Variants in ZMYM4 observed in about 807,000 individuals in gnomAD.
ZMYM4 encodes the protein zinc finger MYM-type protein 4.
ZMYM4 carries 31 observed loss-of-function variants against 183.2 expected under a neutral mutation model. The observed-to-expected ratio is 0.17, with a 90% CI of 0.13 to 0.23. The LOEUF is 0.23. Ranked by LOEUF, ZMYM4 falls within the 10% of genes least tolerant of loss-of-function variation. The pLI is 1.00. For missense variants in ZMYM4, 1,273 were observed against 1,840.3 expected (o/e 0.69, Z 5.64); for synonymous variants, 592 against 631.2 (o/e 0.94, Z 0.93).
At chr1:35,364,482 C>T (rs907976298) in intron 5 of ZMYM4, among the ~76,000 whole-genome samples, 3 of 152,160 alleles carry the variant, frequency 2.0e-5, no homozygotes. Context: ...TTTCCACACC[C>T]GTCTCCACCT....
At chr1:35,309,142 A>C (rs1022568332) in intron 1 of ZMYM4, 2 of 690,354 alleles carry the variant, frequency 2.9e-6, no homozygotes, top group African/African-American at 1.9e-5. Flanking sequence ...GAAATGAAAC[A>C]AGATGACTTA....
intron 26 of ZMYM4, 84 bp downstream of exon 26, chr1:35,408,243 C>T: frequency 6.7e-7 from 1 of 1,489,794 alleles, no homozygotes; most frequent in East Asian, 2.3e-5. Flanking sequence ...TGCACATGTA[C>T]ACACCCAGAT....
intron 2 of ZMYM4, among the ~76,000 whole-genome samples, chr1:35,346,650 C>CAAAAAAAAAAA (rs746472685): frequency 7.7e-3 from 408 of 52,826 alleles, no homozygotes; most frequent in Middle Eastern, 0.015. Context: ...GACTCCATCT[C>CAAAAAAAAAAA]AAAAAAAAAA....
At chr1:35,270,743 C>T (rs941408095) in intron 1 of ZMYM4, among the ~76,000 whole-genome samples, 4 of 152,134 alleles carry the variant, frequency 2.6e-5, no homozygotes, top group African/African-American at 9.7e-5. Flanking sequence ...TGCTACTGCA[C>T]TCTAGCCTAG....
intron 1 of ZMYM4, among the ~76,000 whole-genome samples, chr1:35,322,681 C>CT (rs1285339976): frequency 2.0e-5 from 3 of 151,426 alleles, no homozygotes; most frequent in Non-Finnish European, 2.9e-5. Context: ...GTATAGACAA[C>CT]TTTTTTTTTG....
At chr1:35,413,188 A>G (rs377531757) in intron 26 of ZMYM4, among the ~76,000 whole-genome samples, 20 of 151,984 alleles carry the variant, frequency 1.3e-4, no homozygotes, top group African/African-American at 4.3e-4. Flanking sequence ...GACTACAGGC[A>G]TGCACCACCA....
chr1:35,395,907 A>G (rs1644800560), intron 18 of ZMYM4, among the ~76,000 whole-genome samples: 1 of 152,242 alleles, frequency 6.6e-6, no homozygotes, highest in African/African-American at 2.4e-5. Context: ...ATAATGGAAT[A>G]AATCATCCAT....
intron 2 of ZMYM4, among the ~76,000 whole-genome samples, chr1:35,327,854 A>G (rs1371253593): frequency 1.3e-5 from 2 of 152,168 alleles, no homozygotes; most frequent in Admixed American, 1.3e-4. Flanking sequence ...GTTTGGAGAA[A>G]GATTATGATT....
intron 2 of ZMYM4, among the ~76,000 whole-genome samples, chr1:35,327,286 A>T (rs542632684): frequency 6.6e-6 from 1 of 152,348 alleles, no homozygotes; most frequent in Admixed American, 6.5e-5. Flanking sequence ...TTGCATTATT[A>T]TTAAGAACAT....
intron 1 of ZMYM4, among the ~76,000 whole-genome samples, chr1:35,309,797 C>T (rs891397975): frequency 2.6e-5 from 4 of 151,868 alleles, no homozygotes; most frequent in African/African-American, 9.7e-5. Context: ...AAAAAACCCA[C>T]AAAAAAACTA....
intron 5 of ZMYM4, among the ~76,000 whole-genome samples, chr1:35,368,659 C>T (rs998969832): frequency 6.2e-4 from 95 of 152,032 alleles, no homozygotes; most frequent in African/African-American, 2.2e-3. Context: ...TACTATGTAC[C>T]TTTTTACCTA....
chr1:35,381,884 C>T (rs1044397687), intron 9 of ZMYM4, 126 bp downstream of exon 9: 1 of 1,171,270 alleles, frequency 8.5e-7, no homozygotes. Context: ...ATGGCTCACA[C>T]CTGTAATCCC....
intron 5 of ZMYM4, among the ~76,000 whole-genome samples, chr1:35,364,040 C>T (rs1298590160): frequency 6.6e-6 from 1 of 152,090 alleles, no homozygotes; most frequent in Non-Finnish European, 1.5e-5. Context: ...GTTTTCAGAA[C>T]AATCAGAGGT....
At chr1:35,269,127 C>T (rs1311524152) in intron 1 of ZMYM4, 42 bp downstream of exon 1, 25 of 1,542,038 alleles carry the variant, frequency 1.6e-5, no homozygotes, top group Non-Finnish European at 2.2e-5. Context: ...GGGGGCGGGG[C>T]GCGGCCCGGG....
chr1:35,348,712 C>G (rs1292709595), intron 2 of ZMYM4, among the ~76,000 whole-genome samples: 1 of 152,186 alleles, frequency 6.6e-6, no homozygotes, highest in Admixed American at 6.5e-5. Flanking sequence ...GTTTCAGACA[C>G]AGCCACACAG....
intron 2 of ZMYM4, among the ~76,000 whole-genome samples, chr1:35,333,484 C>T (rs182926918): frequency 8.9e-4 from 136 of 152,098 alleles, no homozygotes; most frequent in African/African-American, 2.5e-3. Context: ...CTCAAGCTCC[C>T]GGTCTCAAGT....
intron 1 of ZMYM4, among the ~76,000 whole-genome samples, chr1:35,318,689 C>T (rs1642158550): frequency 6.6e-6 from 1 of 152,092 alleles, no homozygotes; most frequent in South Asian, 2.1e-4. Flanking sequence ...AACTCCTGAC[C>T]TCAAGTCATC....
intron 2 of ZMYM4, among the ~76,000 whole-genome samples, chr1:35,327,200 A>G (rs1642541830): frequency 6.6e-6 from 1 of 152,194 alleles, no homozygotes; most frequent in South Asian, 2.1e-4. Context: ...ATAACATTGA[A>G]TGAAATGTTA....
At position 35,302,200 on chromosome 1, in the gene ZMYM4, C is replaced by CTT. The variant is rs576277396; in HGVS notation, c.40-23136_40-23135dup. On this transcript the variant is annotated intron_variant, in intron 1 of 29. Coordinates refer to ENST00000314607, the MANE Select transcript of ZMYM4 (RefSeq NM_005095.3). ...ATCCACAAGCTAAAAACGGCTCTTGCTTTTTTTTTTTTTTTTTTTTTTTTT... is the reference window on the plus strand; with the variant it reads ...ATCCACAAGCTAAAAACGGCTCTTGCTTTTTTTTTTTTTTTTTTTTTTTTTTT... Among the ~76,000 whole-genome samples, 194 of 58,532 alleles carry CTT rather than the reference C, an allele frequency of 3.3e-3. 7 individuals are homozygous for CTT. Among genetic ancestry groups the CTT allele is most frequent in the Non-Finnish European group, 4.4e-3 (138 of 31,476 alleles). The allele number at this position is 58,532 out of a possible 152,430, so 38.4% of individuals were successfully genotyped here.
Sources: allele counts gnomAD v4.1 joint callset (sites outside exome capture counted in the v4.1 genomes callset), GRCh38; gene constraint gnomAD v4.1.1; transcripts MANE v1.5; gene names NCBI Gene and HGNC (gene_info 2026-07-23, HGNC 2026-07-21).